The following AP3S1 variants were observed in gnomAD, a reference collection of about 807,000 sequenced individuals.
AP3S1 encodes the protein AP-3 complex subunit sigma-1.
A neutral mutation model predicts 21.3 loss-of-function variants in AP3S1; 12 were observed. The ratio of observed to expected loss-of-function variants is 0.56; its 90% CI spans 0.36 to 0.91. The LOEUF is 0.91. AP3S1 is among the 40% of genes least tolerant of loss of function. The pLI is 0.01. For missense variants in AP3S1, 116 were observed against 225.0 expected, an observed-to-expected ratio of 0.52 and a Z score of 3.10; for synonymous variants, 48 against 78.4, an observed-to-expected ratio of 0.61 and a Z score of 2.05.
In AP3S1 at chr5:115,901,387, A is replaced by G. The variant is rs553379068; in HGVS notation, c.346-1498A>G. On this transcript the variant is annotated intron_variant, in intron 4 of 5. Transcript: ENST00000316788. ...TGTATGAACTTTTAGTCATTTGCCT[A>G]TATTCTTTTTTTTTTTTTTTTTTTT... Among the ~76,000 whole-genome samples the G allele has an allele frequency of 5.2e-5, 7 of 134,826 alleles. No individual in the cohort carries two copies. In the South Asian group the frequency reaches 1.6e-3, roughly 31 times the overall value. 88.5% of individuals were successfully genotyped at this position (134,826 alleles called of 152,430 possible). A position where few individuals can be genotyped will look rare whatever the true frequency, so the allele number is the denominator to read the frequency against.
chr5:115,901,403 T>A (rs946260005), intron 4 of AP3S1, among the ~76,000 whole-genome samples: 8 of 151,216 alleles, frequency 5.3e-5, no homozygotes, highest in Admixed American at 3.3e-4. Context: ...TTTTTTTTTT[T>A]TTTTTTTTTT....
At chr5:115,912,828 A>T (rs967762567) in intron 5 of AP3S1, among the ~76,000 whole-genome samples, 1 of 152,194 alleles carries the variant, frequency 6.6e-6, no homozygotes, top group South Asian at 2.1e-4. Flanking sequence ...AGAAAAGTTT[A>T]AAAGAGCCCT....
chr5:115,842,149 T>C (rs1041580783), intron 1 of AP3S1, 43 bp downstream of exon 1: 11 of 1,525,224 alleles, frequency 7.2e-6, no homozygotes, highest in South Asian at 6.2e-5. Flanking sequence ...GGGGAGTCGT[T>C]GGCGACGGGC....
intron 2 of AP3S1, among the ~76,000 whole-genome samples, 171 bp downstream of exon 2, chr5:115,866,932 ATGCAATCTTT>A (rs1418107364): frequency 1.3e-5 from 2 of 152,126 alleles, no homozygotes; most frequent in Admixed American, 6.5e-5. Flanking sequence ...TTTAAAAGAT[ATGCAATCTTT>A]TTTCCTCTTA....
rs1216925380 is a variant in AP3S1, at chr5:115,844,501, G to A, written c.69+2395G>A. Reference sequence around the variant, plus strand: ...AAGAAAGGCAGCCTTGCAGATATCTGGGGGAAGAGCATCCCGGGTAGAAGG... The same window carrying A: ...AAGAAAGGCAGCCTTGCAGATATCTAGGGGAAGAGCATCCCGGGTAGAAGG... On this transcript the variant is annotated intron_variant, in intron 1 of 5. Transcript: ENST00000316788. Among the ~76,000 whole-genome samples the A allele has an allele frequency of 2.6e-5, 4 of 152,292 alleles. No individual in the cohort carries two copies. In the East Asian group the frequency reaches 7.7e-4, roughly 29 times the overall value.
intron 3 of AP3S1, among the ~76,000 whole-genome samples, chr5:115,877,297 A>G (rs1293721176): frequency 6.6e-6 from 1 of 152,172 alleles, no homozygotes. Flanking sequence ...TCAACCCGTC[A>G]TCTACATTAG....
chr5:115,878,146 AG>A (rs1183701810), intron 3 of AP3S1, among the ~76,000 whole-genome samples: 1 of 152,110 alleles, frequency 6.6e-6, no homozygotes, highest in East Asian at 1.9e-4. Flanking sequence ...CCCATTCTGT[AG>A]GTTGCCTGTT....
At position 115,866,707 on chromosome 5, in the gene AP3S1, T is replaced by C. The variant is rs779288006; in HGVS notation, c.107T>C (p.Phe36Ser). Reference sequence around the variant, plus strand: ...CAACAGCAAATCATCAGGGAGACTTTCCATTTGGTATCTAAGAGAGATGAA... The same window carrying C: ...CAACAGCAAATCATCAGGGAGACTTCCCATTTGGTATCTAAGAGAGATGAA... Reference protein sequence around the residue: ...DTQQQIIRETFHLVSKRDENV... With the variant: ...DTQQQIIRETSHLVSKRDENV... The change falls in exon 2 of 6, where the codon TTC (phenylalanine) becomes TCC (serine). Residue 36 changes from phenylalanine (F) to serine (S), a missense_variant. Coordinates refer to ENST00000316788, the MANE Select transcript of AP3S1 (RefSeq NM_001284.4). 2 of 1,606,888 alleles carry C rather than the reference T, an allele frequency of 1.2e-6. No homozygotes were observed. Among genetic ancestry groups the C allele is most frequent in the Admixed American group, 1.7e-5 (1 of 59,420 alleles).
chr5:115,907,355 C>T (rs1056725942), intron 5 of AP3S1, among the ~76,000 whole-genome samples: 2 of 151,960 alleles, frequency 1.3e-5, no homozygotes, highest in South Asian at 2.1e-4. Flanking sequence ...GTTTTGCATA[C>T]AAAATGGGAA....
chr5:115,896,060 T>C (rs1401333715), intron 4 of AP3S1, among the ~76,000 whole-genome samples: 3 of 152,178 alleles, frequency 2.0e-5, no homozygotes, highest in Non-Finnish European at 2.9e-5. Context: ...ATTCAACTAC[T>C]GAGTAAGAGT....
intron 5 of AP3S1, among the ~76,000 whole-genome samples, chr5:115,909,849 T>C (rs147124384): frequency 5.9e-5 from 9 of 152,318 alleles, no homozygotes; most frequent in South Asian, 2.1e-4. Flanking sequence ...CTGAACCTTA[T>C]ATATGCTATG....
intron 3 of AP3S1, among the ~76,000 whole-genome samples, chr5:115,883,476 C>T (rs369244515): frequency 1.3e-5 from 2 of 152,206 alleles, no homozygotes; most frequent in African/African-American, 4.8e-5. Flanking sequence ...CAACCCCTTA[C>T]GCTTCCTAGG....
intron 1 of AP3S1, among the ~76,000 whole-genome samples, chr5:115,843,791 G>T (rs909706946): frequency 6.6e-6 from 1 of 152,100 alleles, no homozygotes; most frequent in Non-Finnish European, 1.5e-5. Context: ...ACTATCTATT[G>T]AAAAATGCAT....
intron 1 of AP3S1, among the ~76,000 whole-genome samples, chr5:115,847,587 C>G (rs984932562): frequency 1.3e-5 from 2 of 152,136 alleles, no homozygotes; most frequent in East Asian, 1.9e-4. Flanking sequence ...CCATTGCGCT[C>G]CAGCCTGGGT....
chr5:115,895,547 AT>A (rs1750688463), intron 4 of AP3S1, among the ~76,000 whole-genome samples: 1 of 152,220 alleles, frequency 6.6e-6, no homozygotes, highest in Admixed American at 6.5e-5. Context: ...GAGATATAAA[AT>A]ATAGGCCTTT....
At chr5:115,885,538 T>C (rs1372565080) in intron 3 of AP3S1, among the ~76,000 whole-genome samples, 1 of 152,210 alleles carries the variant, frequency 6.6e-6, no homozygotes, top group Non-Finnish European at 1.5e-5. Flanking sequence ...CAAGGTTATT[T>C]AACCTTCTTT....
At chr5:115,904,226 T>G (rs919784047) in intron 5 of AP3S1, 2 of 152,254 alleles carry the variant, frequency 1.3e-5, no homozygotes, top group African/African-American at 4.8e-5. Context: ...GCTCAGATGT[T>G]TCGTTGATTT....
chr5:115,912,842 A>G (rs977530086), intron 5 of AP3S1, among the ~76,000 whole-genome samples: 1 of 152,078 alleles, frequency 6.6e-6, no homozygotes, highest in Non-Finnish European at 1.5e-5. Context: ...GAGCCCTCAC[A>G]ATTTAAAAAA....
chr5:115,903,088 C>G, intron 5 of AP3S1, 96 bp downstream of exon 5: 2 of 886,460 alleles, frequency 2.3e-6, no homozygotes, highest in South Asian at 1.5e-5. Context: ...CAGTATCACC[C>G]TTTAGGTTCA....
Sources: allele counts gnomAD v4.1 joint callset (sites outside exome capture counted in the v4.1 genomes callset), GRCh38; gene constraint gnomAD v4.1.1; transcripts MANE v1.5; gene names NCBI Gene and HGNC (gene_info 2026-07-23, HGNC 2026-07-21).